GSE1: variants seen among roughly 807,000 people sequenced by gnomAD.
GSE1 encodes the protein Gse1 coiled-coil protein, also known as genetic suppressor element 1.
GSE1 carries 32 observed loss-of-function variants against 112.6 expected under a neutral mutation model. That is an observed-to-expected ratio of 0.28 (90% CI 0.21 to 0.38). The LOEUF (loss-of-function observed/expected upper bound fraction) is 0.38. Ranked by LOEUF, GSE1 falls within the 10% of genes least tolerant of loss-of-function variation. GSE1 has a pLI of 1.00. For missense variants in GSE1, 2,348 were observed against 1,699.2 expected (o/e 1.38, Z -6.71); for synonymous variants, 1,115 against 735.6 (o/e 1.52, Z -8.35).
chr16:85,628,813 C>T (rs1040382879), intron 1 of GSE1, among the ~76,000 whole-genome samples: 1 of 152,216 alleles, frequency 6.6e-6, no homozygotes, highest in Non-Finnish European at 1.5e-5. Context: ...CTGCCAGTAG[C>T]CTCAAGGTGT....
At chr16:85,444,965 G>A (rs912018017) in intron 2 of GSE1, among the ~76,000 whole-genome samples, 2 of 152,194 alleles carry the variant, frequency 1.3e-5, no homozygotes, top group African/African-American at 2.4e-5. Flanking sequence ...GGAGGCCCAG[G>A]TGTGTCGCCG....
chr16:85,266,829 G>T (rs958327734), intron 1 of GSE1, among the ~76,000 whole-genome samples: 3 of 152,170 alleles, frequency 2.0e-5, no homozygotes, highest in African/African-American at 7.2e-5. Context: ...AGGCCTGAGA[G>T]GCTGAGGACT....
intron 13 of GSE1, 62 bp downstream of exon 13, chr16:85,666,409 G>C: frequency 7.0e-6 from 11 of 1,565,110 alleles, no homozygotes; most frequent in Non-Finnish European, 9.7e-6. Flanking sequence ...CAAAGTTGCT[G>C]AGCGCCACAG....
chr16:85,267,210 C>T (rs1001227690), intron 1 of GSE1, among the ~76,000 whole-genome samples: 2 of 152,130 alleles, frequency 1.3e-5, no homozygotes, highest in Non-Finnish European at 1.5e-5. Context: ...CGCCTGAGGC[C>T]GAGCCACATC....
At chr16:85,652,545 A>C (rs2051453918) in intron 3 of GSE1, among the ~76,000 whole-genome samples, 1 of 150,842 alleles carries the variant, frequency 6.6e-6, no homozygotes, top group African/African-American at 2.4e-5. Context: ...TGAAGATTCC[A>C]GGCGGCGGCG....
intron 2 of GSE1, among the ~76,000 whole-genome samples, chr16:85,448,719 C>T (rs1007648336): frequency 6.6e-6 from 1 of 152,236 alleles, no homozygotes; most frequent in African/African-American, 2.4e-5. Context: ...CACTGGCAGC[C>T]CGCCCCACGC....
chr16:85,419,070 A>G lies in GSE1; in HGVS notation c.2464+61427A>G, dbSNP rs1238861470. Among the ~76,000 whole-genome samples, 1 of 152,140 alleles carries G rather than the reference A, an allele frequency of 6.6e-6. No homozygotes were observed. Among genetic ancestry groups the G allele is most frequent in the Non-Finnish European group, 1.5e-5 (1 of 68,028 alleles). ...CAGTTGGATATTTGAGTCTGGAGCT[A>G]TGAATGTGGGCGTCCCAGCGCACAG... On this transcript the variant is annotated intron_variant, in intron 2 of 2. Coordinates refer to the GSE1 transcript ENST00000637419. The surrounding 1 kb of genome is among the most constrained non-coding windows in gnomAD (Gnocchi z 6.5).
intron 2 of GSE1, among the ~76,000 whole-genome samples, chr16:85,429,307 C>G (rs1050729493): frequency 5.3e-5 from 8 of 152,220 alleles, no homozygotes; most frequent in Non-Finnish European, 8.8e-5. Context: ...CATGTTCTGC[C>G]ACGGGCATGT....
At chr16:85,180,417 G>A (rs1258423654) in intron 1 of GSE1, among the ~76,000 whole-genome samples, 1 of 152,194 alleles carries the variant, frequency 6.6e-6, no homozygotes, top group Non-Finnish European at 1.5e-5. Flanking sequence ...TGTTGGCACA[G>A]AAAGGGTATT....
intron 8 of GSE1, 117 bp from the exon 9 acceptor site, chr16:85,661,029 G>T: frequency 1.1e-6 from 1 of 885,698 alleles, no homozygotes; most frequent in Non-Finnish European, 1.7e-6. Flanking sequence ...TGTTGGCACT[G>T]GCTCTCTAAG....
intron 1 of GSE1, 75 bp from the exon 2 acceptor site, chr16:85,633,839 G>GCCCTGCCGA: frequency 8.5e-6 from 10 of 1,176,566 alleles, no homozygotes; most frequent in South Asian, 1.4e-5. Context: ...GCTGACACCG[G>GCCCTGCCGA]CCCTGCCGAC....
intron 1 of GSE1, chr16:85,284,906 C>T (rs778515988): frequency 2.0e-5 from 3 of 152,102 alleles, no homozygotes; most frequent in African/African-American, 4.8e-5. Flanking sequence ...TAATCACAGA[C>T]CAGAATTTGA....
intron 14 of GSE1, chr16:85,670,743 T>C: frequency 7.3e-6 from 2 of 274,484 alleles, no homozygotes; most frequent in Non-Finnish European, 1.4e-5. Flanking sequence ...CTTCCTAATC[T>C]GTATCAAATT....
In GSE1 at chr16:85,331,149, A is replaced by G. The variant is rs572138276; in HGVS notation, c.2284-26314A>G. On this transcript the variant is annotated intron_variant, in intron 1 of 2. Transcript: ENST00000637419. The stretch of plus-strand genomic sequence containing the variant: ...GTTATTATTTATTTTTTAAATTTTT[A>G]TTATTTATTTATTTATTTTTTGAGA... Among the ~76,000 whole-genome samples, 7 of 150,124 alleles carry G rather than the reference A, an allele frequency of 4.7e-5. No homozygotes were observed. The South Asian group carries it at 1.5e-3, about 32-fold the overall frequency.
rs998790787 is a variant in GSE1, at chr16:85,419,468, T to C, written c.2464+61825T>C. On this transcript the variant is annotated intron_variant, in intron 2 of 2. Transcript: ENST00000637419. This position sits in a 1 kb window ranked among gnomAD's most constrained non-coding sequence, Gnocchi z 6.5. Reference sequence around the variant, plus strand: ...TCTACGAACAAAAGTTAGCCAGGCGTGGTGGTGCACATCTGTGGTCCTAGC... The same window carrying C: ...TCTACGAACAAAAGTTAGCCAGGCGCGGTGGTGCACATCTGTGGTCCTAGC... Among the ~76,000 whole-genome samples the C allele has an allele frequency of 1.3e-5, 2 of 151,680 alleles. No homozygotes were observed. The highest frequency in any genetic ancestry group is 2.9e-5 in the Non-Finnish European group (2 of 67,944).
intron 1 of GSE1, among the ~76,000 whole-genome samples, chr16:85,184,570 C>T (rs182446173): frequency 3.3e-5 from 5 of 152,306 alleles, no homozygotes; most frequent in Admixed American, 3.3e-4. Flanking sequence ...GATTATTATC[C>T]CTACTTTAAT....
At chr16:85,478,834 A>G (rs1344028329) in intron 2 of GSE1, among the ~76,000 whole-genome samples, 3 of 140,304 alleles carry the variant, frequency 2.1e-5, no homozygotes, top group Non-Finnish European at 4.6e-5. Flanking sequence ...TGCCCCGCTC[A>G]TTTATTTTCT....
chr16:85,556,744 A>C (rs2151265634), intron 1 of GSE1, among the ~76,000 whole-genome samples: 1 of 118,322 alleles, frequency 8.5e-6, no homozygotes, highest in Admixed American at 8.8e-5. Context: ...CCGATCGGGT[A>C]GCATGCCCCC....
rs534420616 is a variant in GSE1 at position 85,647,086 on chromosome 16, C to G, written c.227-1466C>G. On this transcript the variant is annotated intron_variant, in intron 2 of 15. Transcript: ENST00000253458. Reference sequence around the variant, plus strand: ...AGTTTTGCTCCATGAAGGAGGAAGCCCCTTCCCTTAGGGCCTGGGAACACT... The same window carrying G: ...AGTTTTGCTCCATGAAGGAGGAAGCGCCTTCCCTTAGGGCCTGGGAACACT... Among the ~76,000 whole-genome samples, 19 of 152,292 alleles carry G rather than the reference C, an allele frequency of 1.2e-4. No individual in the cohort carries two copies. The South Asian group carries it at 1.9e-3, about 15-fold the overall frequency.
Sources: gnomAD v4.1 joint callset for allele counts (sites outside exome capture counted in the v4.1 genomes callset) on GRCh38, gnomAD v4.1.1 for gene constraint, Gnocchi (gnomAD v3.1) non-coding constraint, MANE v1.5 for transcripts, NCBI Gene and HGNC (gene_info 2026-07-23, HGNC 2026-07-21) for gene names.